Variants in HPCAL1 observed in about 807,000 individuals in gnomAD.
HPCAL1 encodes the protein hippocalcin like 1.
A neutral mutation model predicts 17.1 loss-of-function variants in HPCAL1; 8 were observed. The ratio of observed to expected loss-of-function variants is 0.47; its 90% CI spans 0.27 to 0.84. The LOEUF is 0.84. Ranked by LOEUF, HPCAL1 falls within the 40% of genes least tolerant of loss-of-function variation. The pLI, the probability that HPCAL1 is intolerant of heterozygous loss-of-function variation, is 0.13. For synonymous variants in HPCAL1, 112 were observed against 111.4 expected (o/e 1.01, Z -0.03); for missense variants, 165 against 271.1 (o/e 0.61, Z 2.75).
intron 1 of HPCAL1, among the ~76,000 whole-genome samples, chr2:10,372,717 C>T (rs1046091834): frequency 2.6e-5 from 4 of 152,236 alleles, no homozygotes; most frequent in Non-Finnish European, 5.9e-5. Context: ...ACGGCCAGAG[C>T]ACACCTGTGC....
At position 10,419,732 on chromosome 2, in the gene HPCAL1, A is replaced by T. The variant is rs750135394; in HGVS notation, c.-24-2A>T. 1 of 1,590,528 alleles carries T rather than the reference A, an allele frequency of 6.3e-7. No homozygotes were observed. The highest frequency in any genetic ancestry group is 8.6e-7 in the Non-Finnish European group (1 of 1,167,634). On this transcript the variant is annotated splice_acceptor_variant, in intron 2 of 4. Coordinates refer to ENST00000307845, the MANE Select transcript of HPCAL1 (RefSeq NM_002149.4). LOFTEE classifies it low-confidence loss of function (5UTR_SPLICE). The surrounding 1 kb of genome is among the most constrained non-coding windows in gnomAD (Gnocchi z 5.0). ...GTCCCCGGCTGACCCCCTGTCTTGC[A>T]GGTGTAGTCGCCGCCGCCAGCCGCC... is the stretch of plus-strand genomic sequence containing the variant.
At chr2:10,348,535 G>T (rs139694290) in intron 1 of HPCAL1, among the ~76,000 whole-genome samples, 2 of 152,034 alleles carry the variant, frequency 1.3e-5, no homozygotes, top group Admixed American at 6.6e-5. Flanking sequence ...AGACCAAGGT[G>T]GGGGGATCGC....
chr2:10,390,069 T>C (rs528582855), intron 1 of HPCAL1, among the ~76,000 whole-genome samples: 1 of 152,338 alleles, frequency 6.6e-6, no homozygotes, highest in African/African-American at 2.4e-5. Context: ...TTGCACATTC[T>C]CTGGAAGTCA....
chr2:10,383,660 G>A (rs1244653407), intron 1 of HPCAL1, among the ~76,000 whole-genome samples: 1 of 149,366 alleles, frequency 6.7e-6, no homozygotes, highest in Admixed American at 6.7e-5. Flanking sequence ...ACCCAGCCCT[G>A]AGTGAGACCC....
intron 2 of HPCAL1, among the ~76,000 whole-genome samples, chr2:10,411,685 G>C (rs942044147): frequency 6.6e-6 from 1 of 152,202 alleles, no homozygotes; most frequent in Non-Finnish European, 1.5e-5. Flanking sequence ...CTGGGATTCG[G>C]CACTCAGAGG....
At chr2:10,327,751 G>A (rs1208874274) in intron 1 of HPCAL1, among the ~76,000 whole-genome samples, 1 of 152,050 alleles carries the variant, frequency 6.6e-6, no homozygotes, top group East Asian at 1.9e-4. Context: ...CTTAATTTTG[G>A]CCAAGAGCCT....
intron 1 of HPCAL1, among the ~76,000 whole-genome samples, chr2:10,389,418 C>T (rs766879557): frequency 2.6e-5 from 4 of 152,210 alleles, no homozygotes; most frequent in Non-Finnish European, 5.9e-5. Flanking sequence ...GAATTCTTTC[C>T]TGAGTGAAGC....
chr2:10,374,397 A>G (rs1401534907), intron 1 of HPCAL1, among the ~76,000 whole-genome samples: 1 of 151,656 alleles, frequency 6.6e-6, no homozygotes, highest in Non-Finnish European at 1.5e-5. Context: ...TTGTTGCAGT[A>G]TTGGCACCTG....
At chr2:10,422,211 A>T (rs748986946) in intron 3 of HPCAL1, among the ~76,000 whole-genome samples, 6 of 152,162 alleles carry the variant, frequency 3.9e-5, no homozygotes, top group Non-Finnish European at 7.4e-5. Context: ...GGTGTTTCTC[A>T]TGGGACACTT....
chr2:10,368,362 CAT>C lies in HPCAL1; in HGVS notation c.-110-28470_-110-28469del, dbSNP rs781384133. ...GTGTGTAGGTTTGTGTGTGTGTGTG[CAT>C]ATGTGTGTGTAGGTGTGTGTGCGTG... On this transcript the variant is annotated intron_variant, in intron 1 of 4. Coordinates refer to ENST00000307845, the MANE Select transcript of HPCAL1 (RefSeq NM_002149.4). Among the ~76,000 whole-genome samples, 39 of 151,688 alleles carry C rather than the reference CAT, an allele frequency of 2.6e-4. 1 individual carries two copies. The highest frequency in any genetic ancestry group is 7.4e-5 in the Non-Finnish European group (5 of 67,864).
chr2:10,400,047 G>A (rs968311740), intron 2 of HPCAL1, among the ~76,000 whole-genome samples: 5 of 152,192 alleles, frequency 3.3e-5, no homozygotes, highest in African/African-American at 4.8e-5. Context: ...AATGAGTGTC[G>A]GTTTTGGATA....
At chr2:10,391,533 A>G (rs1668694948) in intron 1 of HPCAL1, among the ~76,000 whole-genome samples, 1 of 152,210 alleles carries the variant, frequency 6.6e-6, no homozygotes, top group Non-Finnish European at 1.5e-5. Context: ...ATTCACTTGT[A>G]TGTGCAATTA....
rs1052365582 is a variant in HPCAL1 at position 10,419,628 on chromosome 2, G to A, written c.-24-106G>A. The A allele has an allele frequency of 5.9e-5, 65 of 1,109,976 alleles. No individual in the cohort carries two copies. In the African/African-American group the frequency reaches 9.6e-4, roughly 16 times the overall value. The allele number at this position is 1,109,976 out of a possible 1,614,324, so 68.8% of individuals were successfully genotyped here. ...CGATGGGGGACCCGGGAGTTGCTGA[G>A]TCGCAGCGCTTGCACAGCGATGGGC... On this transcript the variant is annotated intron_variant, in intron 2 of 4. Coordinates refer to ENST00000307845, the MANE Select transcript of HPCAL1 (RefSeq NM_002149.4). The surrounding 1 kb of genome is among the most constrained non-coding windows in gnomAD (Gnocchi z 5.0).
chr2:10,308,019 G>A (rs1422638280), intron 1 of HPCAL1, among the ~76,000 whole-genome samples: 1 of 152,178 alleles, frequency 6.6e-6, no homozygotes, highest in Non-Finnish European at 1.5e-5. Flanking sequence ...AGAGTTTAAG[G>A]TCTTGGGCTG....
intron 1 of HPCAL1, among the ~76,000 whole-genome samples, chr2:10,355,078 G>A (rs1422668129): frequency 6.6e-6 from 1 of 152,230 alleles, no homozygotes; most frequent in Admixed American, 6.5e-5. Flanking sequence ...TGAGGGAACA[G>A]CTGGTAGGAT....
At position 10,419,670 on chromosome 2, in the gene HPCAL1, G is replaced by A. The variant is rs1372801671; in HGVS notation, c.-24-64G>A. 17 of 1,493,178 alleles carry A rather than the reference G, an allele frequency of 1.1e-5. No individual in the cohort carries two copies. The highest frequency in any genetic ancestry group is 1.4e-5 in the Non-Finnish European group (16 of 1,115,494). The allele number at this position is 1,493,178 out of a possible 1,614,324, so 92.5% of individuals were successfully genotyped here. On this transcript the variant is annotated intron_variant, in intron 2 of 4. Transcript: ENST00000307845. This position sits in a 1 kb window ranked among gnomAD's most constrained non-coding sequence, Gnocchi z 5.0. Reference sequence around the variant, plus strand: ...GCGATGGGCTTATTTGGTCTCTCCGGCACATGGCTCAGCCCTGCTCCGTGG... The same window carrying A: ...GCGATGGGCTTATTTGGTCTCTCCGACACATGGCTCAGCCCTGCTCCGTGG...
At chr2:10,349,500 G>A (rs952057101) in intron 1 of HPCAL1, among the ~76,000 whole-genome samples, 1 of 59,614 alleles carries the variant, frequency 1.7e-5, no homozygotes, top group African/African-American at 4.6e-5. Context: ...GAGGTCAGGA[G>A]AGACCATCCT....
intron 3 of HPCAL1, among the ~76,000 whole-genome samples, chr2:10,422,099 A>G (rs1159852567): frequency 1.3e-5 from 2 of 152,166 alleles, no homozygotes; most frequent in African/African-American, 4.8e-5. Flanking sequence ...CCAAGCAGTG[A>G]GGAGCAGCCA....
At chr2:10,313,033 T>C (rs772141518) in intron 1 of HPCAL1, among the ~76,000 whole-genome samples, 1 of 152,210 alleles carries the variant, frequency 6.6e-6, no homozygotes. Context: ...GGTTTTCTAC[T>C]GTTGGTGTGG....
Sources: gnomAD v4.1 joint callset for allele counts (sites outside exome capture counted in the v4.1 genomes callset) on GRCh38, gnomAD v4.1.1 for gene constraint, Gnocchi (gnomAD v3.1) non-coding constraint, MANE v1.5 for transcripts, NCBI Gene and HGNC (gene_info 2026-07-23, HGNC 2026-07-21) for gene names.